CTNNA3: variants seen among roughly 807,000 people sequenced by gnomAD.
CTNNA3 encodes the protein catenin alpha-3.
Under a neutral mutation model 95.7 loss-of-function variants are expected in CTNNA3, and 76 were observed. The ratio of observed to expected loss-of-function variants is 0.79; its 90% confidence interval spans 0.66 to 0.96. The LOEUF is 0.96. Ranked by LOEUF, CTNNA3 falls within the 40% of genes least tolerant of loss-of-function variation. The probability of loss-of-function intolerance (pLI) is 0.00; values close to 1 mark genes in which losing one functional copy is unlikely to be tolerated. For synonymous variants in CTNNA3, 431 were observed against 374.4 expected, an observed-to-expected ratio of 1.15 and a Z score of -1.74; for missense variants, 1,191 against 1,089.8, an observed-to-expected ratio of 1.09 and a Z score of -1.31.
intron 9 of CTNNA3, among the ~76,000 whole-genome samples, chr10:66,744,547 C>G (rs1275854469): frequency 6.6e-6 from 1 of 152,114 alleles, no homozygotes; most frequent in Non-Finnish European, 1.5e-5. Context: ...CTCCATATCA[C>G]CTATTTCTAG....
At chr10:66,191,585 C>CA (rs1296620975) in intron 13 of CTNNA3, among the ~76,000 whole-genome samples, 1 of 147,866 alleles carries the variant, frequency 6.8e-6, no homozygotes, top group African/African-American at 2.5e-5. Flanking sequence ...GCACTGCCCA[C>CA]ATTTGTATTT....
chr10:67,643,271 T>C (rs1300731787), intron 2 of CTNNA3, among the ~76,000 whole-genome samples: 1 of 150,728 alleles, frequency 6.6e-6, no homozygotes, highest in African/African-American at 2.5e-5. Flanking sequence ...AGCTGAAGGA[T>C]GAGAACACAT....
chr10:66,351,235 G>A (rs1272315307), intron 12 of CTNNA3, among the ~76,000 whole-genome samples: 1 of 151,934 alleles, frequency 6.6e-6, no homozygotes, highest in East Asian at 1.9e-4. Flanking sequence ...TACTGTGTAT[G>A]GAGAATGTAC....
At chr10:66,987,397 T>G (rs1850790005) in intron 7 of CTNNA3, among the ~76,000 whole-genome samples, 2 of 152,164 alleles carry the variant, frequency 1.3e-5, no homozygotes, top group African/African-American at 2.4e-5. Flanking sequence ...GTGAAATGAT[T>G]TCTTGATGAT....
intron 5 of CTNNA3, among the ~76,000 whole-genome samples, chr10:67,470,988 G>T (rs1014966462): frequency 3.3e-5 from 5 of 151,398 alleles, no homozygotes; most frequent in East Asian, 3.9e-4. Flanking sequence ...ATTTATTTTT[G>T]TATTTTTTGT....
intron 7 of CTNNA3, among the ~76,000 whole-genome samples, chr10:67,080,470 T>G (rs1483390477): frequency 6.6e-6 from 1 of 152,188 alleles, no homozygotes; most frequent in Non-Finnish European, 1.5e-5. Flanking sequence ...GGTCCCAGCA[T>G]CGCAATACAT....
intron 11 of CTNNA3, among the ~76,000 whole-genome samples, chr10:66,505,542 G>A (rs891792297): frequency 6.6e-6 from 1 of 152,000 alleles, no homozygotes; most frequent in Non-Finnish European, 1.5e-5. Context: ...GATCCTGGCT[G>A]CAAGTCATCA....
intron 11 of CTNNA3, among the ~76,000 whole-genome samples, chr10:66,423,289 T>A (rs1449319948): frequency 6.6e-6 from 1 of 152,166 alleles, no homozygotes; most frequent in Non-Finnish European, 1.5e-5. Context: ...CTGACTGCTG[T>A]GGATGTTAAA....
chr10:66,734,393 A>G (rs1265685043), intron 9 of CTNNA3, among the ~76,000 whole-genome samples: 1 of 152,124 alleles, frequency 6.6e-6, no homozygotes, highest in Admixed American at 6.6e-5. Context: ...CTGAACTATT[A>G]GTTGTTAATA....
At position 67,584,352 on chromosome 10, in the gene CTNNA3, G is replaced by C. The variant is rs996119511; in HGVS notation, c.292+22505C>G. 5.1e-4 allele frequency among the ~76,000 whole-genome samples: 78 copies of C among 152,204 alleles called. 3 individuals are homozygous for C. Among genetic ancestry groups the C allele is most frequent in the Non-Finnish European group, 2.4e-4 (16 of 68,030 alleles). On this transcript the variant is annotated intron_variant, in intron 3 of 17. Transcript: ENST00000433211. ...GGTCCACTCCAGACCCTGTTTGCCT[G>C]AGTATCAACAGTGGAGGCTACAGAG...
chr10:65,944,904 T>TATCATCC (rs1353312550), intron 17 of CTNNA3, among the ~76,000 whole-genome samples: 4 of 148,848 alleles, frequency 2.7e-5, no homozygotes, highest in South Asian at 4.2e-4. Flanking sequence ...ATCTATCATC[T>TATCATCC]ATCTATCATC....
At chr10:66,074,943 A>C (rs1390320491) in intron 14 of CTNNA3, among the ~76,000 whole-genome samples, 1 of 151,904 alleles carries the variant, frequency 6.6e-6, no homozygotes, top group African/African-American at 2.4e-5. Context: ...AGCTAAAAAA[A>C]ACTCAAGACT....
At chr10:67,586,112 TCC>T (rs1199460211) in intron 3 of CTNNA3, among the ~76,000 whole-genome samples, 3 of 152,192 alleles carry the variant, frequency 2.0e-5, no homozygotes, top group Non-Finnish European at 4.4e-5. Flanking sequence ...ATGTTTAATT[TCC>T]ATGTGTCTGT....
intron 11 of CTNNA3, among the ~76,000 whole-genome samples, chr10:66,380,320 T>G (rs1171981669): frequency 6.6e-6 from 1 of 151,950 alleles, no homozygotes; most frequent in African/African-American, 2.4e-5. Flanking sequence ...GTCCAAAAAA[T>G]AAAATCAGTC....
chr10:66,685,191 G>A (rs1395028080), intron 9 of CTNNA3, among the ~76,000 whole-genome samples: 7 of 72,110 alleles, frequency 9.7e-5, no homozygotes, highest in Admixed American at 1.7e-4. Context: ...ATATATATAC[G>A]TGTATATATA....
chr10:67,263,861 A>G (rs1866713638), intron 5 of CTNNA3, among the ~76,000 whole-genome samples: 1 of 152,192 alleles, frequency 6.6e-6, no homozygotes, highest in African/African-American at 2.4e-5. Flanking sequence ...GAGAACTTCA[A>G]TTCCAATAAA....
chr10:67,049,389 A>T (rs1304901585), intron 7 of CTNNA3, among the ~76,000 whole-genome samples: 1 of 152,214 alleles, frequency 6.6e-6, no homozygotes, highest in African/African-American at 2.4e-5. Flanking sequence ...TATGAACTAC[A>T]TACAAAATGT....
intron 5 of CTNNA3, chr10:67,346,600 GC>G: frequency 3.0e-6 from 1 of 333,990 alleles, no homozygotes; most frequent in South Asian, 2.3e-5. Context: ...ACCTTAAAGG[GC>G]ACACTGTATA....
Position 66,751,083 on chromosome 10 carries a change from T to C in CTNNA3, c.1281+15181A>G, listed in dbSNP as rs1395599782. On this transcript the variant is annotated intron_variant, in intron 9 of 17. Coordinates refer to ENST00000433211, the MANE Select transcript of CTNNA3 (RefSeq NM_013266.4). Reference sequence around the variant, plus strand: ...AGGAGTTCAAGACCAGCCTGGCCAATATGGTGAAACCCCGTCTCTGCTAAA... The same window carrying C: ...AGGAGTTCAAGACCAGCCTGGCCAACATGGTGAAACCCCGTCTCTGCTAAA... Among the ~76,000 whole-genome samples the C allele has an allele frequency of 3.9e-5, 6 of 152,066 alleles. No homozygotes were observed. In the East Asian group the frequency reaches 7.8e-4, roughly 20 times the overall value.
Sources: gnomAD v4.1 joint callset for allele counts (sites outside exome capture counted in the v4.1 genomes callset) on GRCh38, gnomAD v4.1.1 for gene constraint, MANE v1.5 for transcripts, NCBI Gene and HGNC (gene_info 2026-07-23, HGNC 2026-07-21) for gene names.